Variants in AHR observed in about 807,000 individuals in gnomAD.
AHR encodes the protein AH-receptor.
AHR carries 40 observed loss-of-function variants against 86.8 expected under a neutral mutation model. The ratio of observed to expected loss-of-function variants is 0.46; its 90% CI spans 0.36 to 0.60. The LOEUF (loss-of-function observed/expected upper bound fraction) is 0.60. AHR is among the 20% of genes least tolerant of loss of function. The pLI is 0.00. For missense variants in AHR, 1,001 were observed against 1,011.6 expected, an observed-to-expected ratio of 0.99 and a Z score of 0.14; for synonymous variants, 398 against 354.9, an observed-to-expected ratio of 1.12 and a Z score of -1.37.
At chr7:17,303,971 G>T (rs1781980568) in intron 1 of AHR, among the ~76,000 whole-genome samples, 1 of 152,002 alleles carries the variant, frequency 6.6e-6, no homozygotes, top group Admixed American at 6.6e-5. Flanking sequence ...TTATATGTTG[G>T]GATCATGGTT....
In AHR at chr7:17,299,001, C is replaced by T. The variant is rs1363428559; in HGVS notation, c.-264C>T. The T allele has an allele frequency of 2.1e-6, 1 of 465,288 alleles. No individual in the cohort carries two copies. Among genetic ancestry groups the T allele is most frequent in the Non-Finnish European group, 3.7e-6 (1 of 268,742 alleles). 28.8% of individuals were successfully genotyped at this position (465,288 alleles called of 1,614,324 possible). On this transcript the variant is annotated 5_prime_UTR_variant, in exon 1 of 11. Transcript: ENST00000242057. ...CCGGTGTAGACGGCACCTGCGCCGCCTTGCTCGCGGGTCTCCGCCCCTCGC... is the reference window on the plus strand; with the variant it reads ...CCGGTGTAGACGGCACCTGCGCCGCTTTGCTCGCGGGTCTCCGCCCCTCGC...
chr7:17,319,528 A>G (rs1782148748), intron 2 of AHR, among the ~76,000 whole-genome samples: 1 of 152,122 alleles, frequency 6.6e-6, no homozygotes, highest in South Asian at 2.1e-4. Context: ...TCAGTCTCAT[A>G]GAACTATTAT....
chr7:17,306,742 T>C (rs1263908056), intron 1 of AHR, among the ~76,000 whole-genome samples: 1 of 152,148 alleles, frequency 6.6e-6, no homozygotes, highest in Non-Finnish European at 1.5e-5. Flanking sequence ...GGTTTCCTCT[T>C]CCTTACTTCC....
rs2115364105 is a variant in AHR, at chr7:17,330,079, A to G, written c.574+4A>G. The G allele has an allele frequency of 6.2e-7, 1 of 1,606,894 alleles. No individual in the cohort carries two copies. The highest frequency in any genetic ancestry group is 8.5e-7 in the Non-Finnish European group (1 of 1,176,476). ...GAGTCTGGACAAGGAATTGAAGGTA[A>G]GAATTGATGGTACAAAAAATAGTGT... On this transcript the variant is annotated splice_donor_region_variant and intron_variant, in intron 5 of 10. Transcript: ENST00000242057.
At chr7:17,315,800 T>C (rs1034982320) in intron 2 of AHR, among the ~76,000 whole-genome samples, 1 of 151,958 alleles carries the variant, frequency 6.6e-6, no homozygotes, top group Admixed American at 6.6e-5. Context: ...TATTTGGTAA[T>C]ATTTGTATAT....
At chr7:17,321,840 T>C (rs986373349) in intron 2 of AHR, among the ~76,000 whole-genome samples, 1 of 152,002 alleles carries the variant, frequency 6.6e-6, no homozygotes, top group Admixed American at 6.6e-5. Flanking sequence ...GGACAAAATA[T>C]AGACTTGAAC....
chr7:17,332,492 A>G (rs1782306784), intron 6 of AHR, among the ~76,000 whole-genome samples: 1 of 151,826 alleles, frequency 6.6e-6, no homozygotes, highest in Non-Finnish European at 1.5e-5. Flanking sequence ...ATCATTAATG[A>G]TCCTCACCCT....
chr7:17,340,363 C>A (rs969880559), intron 10 of AHR, 135 bp downstream of exon 10: 2 of 1,185,736 alleles, frequency 1.7e-6, no homozygotes, highest in Non-Finnish European at 2.2e-6. Context: ...TTTATTATAT[C>A]TGTGACTACC....
Position 17,339,294 on chromosome 7 carries a change from T to C in AHR, c.1469T>C (p.Met490Thr), listed in dbSNP as rs749720773. ...GAAAACAACTTTTTCAACGAATCTA[T>C]GAATGAATGCAGAAATTGGCAAGAT... ...PFENNFFNES[M>T]NECRNWQDNT... The change falls in exon 10 of 11, where the codon ATG becomes ACG. Residue 490 changes from methionine (M) to threonine (T), a missense_variant. By Grantham distance (81) the Met-to-Thr change is moderately conservative. This residue lies in a region of AHR where 607 missense variants were observed against 543.1 expected (regional missense o/e 1.12). Coordinates refer to ENST00000242057, the MANE Select transcript of AHR (RefSeq NM_001621.5). 1.9e-6 allele frequency: 3 copies of C among 1,614,152 alleles called. No homozygotes were observed. The highest frequency in any genetic ancestry group is 2.2e-5 in the East Asian group (1 of 44,882).
At position 17,342,995 on chromosome 7, in the gene AHR, T is replaced by G. The variant is rs771982378; in HGVS notation, c.2478T>G (p.His826Gln). ...NNINNTQTTTHLQPLHHPSEA... is the reference protein window; with the variant it reads ...NNINNTQTTTQLQPLHHPSEA... ...TAAATAACACTCAGACTACCACACA[T>G]CTTCAGCCACTTCATCATCCGTCAG... The change falls in exon 11 of 11, where the codon CAT becomes CAG. Residue 826 changes from histidine to glutamine, a missense_variant. Physicochemically the swap from His to Gln is conservative, Grantham distance 24. Coordinates refer to ENST00000242057, the MANE Select transcript of AHR (RefSeq NM_001621.5). The G allele has an allele frequency of 4.3e-6, 7 of 1,613,756 alleles. No individual in the cohort carries two copies. In the South Asian group the frequency reaches 7.7e-5, roughly 18 times the overall value.
At position 17,339,482 on chromosome 7, in the gene AHR, A is replaced by T. The variant is rs1782394330; in HGVS notation, c.1657A>T (p.Ile553Phe). The change falls in exon 10 of 11, where the codon ATC becomes TTC. Residue 553 changes from isoleucine (I) to phenylalanine (F), a missense_variant. This residue lies in a region of AHR where 607 missense variants were observed against 543.1 expected (regional missense o/e 1.12). Transcript: ENST00000242057. ...AAACCTAGGCATTGATTTTGAAGACATCAGACACATGCAGAATGAAAAATT... is the reference window on the plus strand; with the variant it reads ...AAACCTAGGCATTGATTTTGAAGACTTCAGACACATGCAGAATGAAAAATT... ...MKNLGIDFEDIRHMQNEKFFR... is the reference protein window; with the variant it reads ...MKNLGIDFEDFRHMQNEKFFR... 1 of 1,614,166 alleles carries T rather than the reference A, an allele frequency of 6.2e-7. No individual in the cohort carries two copies.
rs770720469 is a variant in AHR at position 17,336,056 on chromosome 7, T to C, written c.1160+270T>C. The C allele has an allele frequency of 2.8e-4, 80 of 288,988 alleles. 1 individual carries two copies. Among genetic ancestry groups the C allele is most frequent in the Non-Finnish European group, 8.8e-5 (14 of 158,560 alleles). 17.9% of individuals were successfully genotyped at this position (288,988 alleles called of 1,614,324 possible). ...AAAGACACATGAAAAGCTAGTGTCATTGGTAAAAAAGAAGAAAAATATAAC... is the reference window on the plus strand; with the variant it reads ...AAAGACACATGAAAAGCTAGTGTCACTGGTAAAAAAGAAGAAAAATATAAC... On this transcript the variant is annotated intron_variant, in intron 9 of 10. Coordinates refer to ENST00000242057, the MANE Select transcript of AHR (RefSeq NM_001621.5).
chr7:17,341,794 T>C (rs1278681583), intron 10 of AHR, among the ~76,000 whole-genome samples: 1 of 152,180 alleles, frequency 6.6e-6, no homozygotes, highest in Admixed American at 6.5e-5. Context: ...AGAAATGTAT[T>C]TTATTTAATC....
intron 2 of AHR, among the ~76,000 whole-genome samples, 186 bp from the exon 3 acceptor site, chr7:17,322,315 G>C (rs564821085): frequency 2.6e-5 from 4 of 152,004 alleles, no homozygotes; most frequent in East Asian, 3.9e-4. Context: ...ATAGAATAAG[G>C]AGCTACCCAC....
intron 3 of AHR, among the ~76,000 whole-genome samples, chr7:17,327,073 A>G (rs1285964664): frequency 6.6e-6 from 1 of 152,040 alleles, no homozygotes; most frequent in Non-Finnish European, 1.5e-5. Flanking sequence ...AAAATAATGG[A>G]CCCAAAGTAG....
Position 17,333,889 on chromosome 7 carries a change from TTTG to T in AHR, c.706-13_706-11del. On this transcript the variant is annotated intron_variant, in intron 6 of 10. Transcript: ENST00000242057. ...TATATTGTTAATTTTAATGAACTTT[TTTG>T]TTGTTGTTGCTTTTTTAAGGCAATG... 1.3e-5 allele frequency: 20 copies of T among 1,596,794 alleles called. No homozygotes were observed. The highest frequency in any genetic ancestry group is 1.5e-5 in the Non-Finnish European group (17 of 1,165,994).
In AHR at chr7:17,341,050, A is replaced by G. The variant is rs368169052; in HGVS notation, c.2403+822A>G. On this transcript the variant is annotated intron_variant, in intron 10 of 10. Transcript: ENST00000242057. ...TCAGGAATACATCATGTTTGCATTT[A>G]TGCTTTTTCCATTAGAAAATATTTA... is the stretch of plus-strand genomic sequence containing the variant. 1.5e-4 allele frequency among the ~76,000 whole-genome samples: 23 copies of G among 152,232 alleles called. No individual in the cohort carries two copies. The East Asian group carries it at 2.9e-3, about 19-fold the overall frequency.
At chr7:17,324,758 C>T (rs761412195) in intron 3 of AHR, among the ~76,000 whole-genome samples, 34 of 150,952 alleles carry the variant, frequency 2.3e-4, no homozygotes, top group Non-Finnish European at 4.7e-4. Context: ...GCAGAGATCA[C>T]ACCACTGCAC....
At position 17,335,096 on chromosome 7, in the gene AHR, A is replaced by G. The variant is rs13223444; in HGVS notation, c.1018+100A>G. The G allele has an allele frequency of 0.023, 17,345 of 769,246 alleles. 242 individuals carry two copies. The highest frequency in any genetic ancestry group is 0.031 in the Non-Finnish European group (14,719 of 469,666). The allele number at this position is 769,246 out of a possible 1,614,324, so 47.7% of individuals were successfully genotyped here. A position where few individuals can be genotyped will look rare whatever the true frequency, so the allele number is the denominator to read the frequency against. ...AATGTAAAGTGTTTAAGTAAAGTAT[A>G]TGGATAAACTTCTACTTAGTAACAT... On this transcript the variant is annotated intron_variant, in intron 8 of 10. Coordinates refer to ENST00000242057, the MANE Select transcript of AHR (RefSeq NM_001621.5).
Sources: gnomAD v4.1 joint callset for allele counts (sites outside exome capture counted in the v4.1 genomes callset) on GRCh38, gnomAD v4.1.1 for gene constraint, gnomAD v4.1.1 regional missense constraint, MANE v1.5 for transcripts, NCBI Gene and HGNC (gene_info 2026-07-23, HGNC 2026-07-21) for gene names.